RPRD1B: variants seen among roughly 807,000 people sequenced by gnomAD.
The protein encoded by RPRD1B is regulation of nuclear pre-mRNA domain-containing protein 1B.
RPRD1B carries 11 observed loss-of-function variants against 41.5 expected under a neutral mutation model. The ratio of observed to expected loss-of-function variants is 0.27; its 90% CI spans 0.17 to 0.44. The LOEUF (loss-of-function observed/expected upper bound fraction) is 0.44, where lower values mean the gene tolerates loss of function less well. Ranked by LOEUF, RPRD1B falls within the 20% of genes least tolerant of loss-of-function variation. The pLI is 1.00. For synonymous variants in RPRD1B, 158 were observed against 155.6 expected (o/e 1.02, Z -0.12); for missense variants, 248 against 389.9 (o/e 0.64, Z 3.06).
chr20:38,056,398 A>T (rs534734635), intron 3 of RPRD1B, among the ~76,000 whole-genome samples: 20 of 152,314 alleles, frequency 1.3e-4, no homozygotes, highest in South Asian at 2.1e-4. Flanking sequence ...TCTAAAAAAA[A>T]AAAATAAAAA....
At chr20:38,035,534 C>T (rs1405519878) in intron 1 of RPRD1B, among the ~76,000 whole-genome samples, 1 of 152,206 alleles carries the variant, frequency 6.6e-6, no homozygotes, top group African/African-American at 2.4e-5. Context: ...AGCCCTTTAG[C>T]AGGGACTGCC....
chr20:38,060,109 G>A (rs751798520), intron 5 of RPRD1B, among the ~76,000 whole-genome samples: 2 of 152,166 alleles, frequency 1.3e-5, no homozygotes, highest in African/African-American at 2.4e-5. Flanking sequence ...GCTTTGCACC[G>A]GTACTTCTGT....
rs2074606507 is a variant in RPRD1B, at chr20:38,090,873, G to A, written c.*998G>A. 1.0e-6 allele frequency: 1 copy of A among 985,132 alleles called. No homozygotes were observed. The allele number at this position is 985,132 out of a possible 1,614,324, so 61.0% of individuals were successfully genotyped here. Reference sequence around the variant, plus strand: ...TAAACTCGAACATCACTGCAAATAGGACGCTGAGCAGGTCCGTCTGTCATG... The same window carrying A: ...TAAACTCGAACATCACTGCAAATAGAACGCTGAGCAGGTCCGTCTGTCATG... On this transcript the variant is annotated 3_prime_UTR_variant, in exon 7 of 7. Coordinates refer to ENST00000373433, the MANE Select transcript of RPRD1B (RefSeq NM_021215.4).
rs1487914175 is a variant in RPRD1B at position 38,090,101 on chromosome 20, C to G, written c.*226C>G. 20 of 1,250,040 alleles carry G rather than the reference C, an allele frequency of 1.6e-5. No homozygotes were observed. The highest frequency in any genetic ancestry group is 2.0e-6 in the Non-Finnish European group (2 of 993,968). 77.4% of individuals were successfully genotyped at this position (1,250,040 alleles called of 1,614,324 possible). A position where few individuals can be genotyped will look rare whatever the true frequency, so the allele number is the denominator to read the frequency against. On this transcript the variant is annotated 3_prime_UTR_variant, in exon 7 of 7. Transcript: ENST00000373433. Reference sequence around the variant, plus strand: ...TTTATATTCATATTTGCAAAGACTACAGACTTTTTCTCCCACTTCATATTT... The same window carrying G: ...TTTATATTCATATTTGCAAAGACTAGAGACTTTTTCTCCCACTTCATATTT...
At position 38,053,802 on chromosome 20, in the gene RPRD1B, T is replaced by A. The variant is rs551918344; in HGVS notation, c.416-3730T>A. On this transcript the variant is annotated intron_variant, in intron 3 of 6. Coordinates refer to ENST00000373433, the MANE Select transcript of RPRD1B (RefSeq NM_021215.4). ...TACATATTTTAAAAATGAAATGGTG[T>A]GACAATTATTTACATATCATGTGTA... Among the ~76,000 whole-genome samples, 49 of 152,362 alleles carry A rather than the reference T, an allele frequency of 3.2e-4. 1 individual carries two copies. The South Asian group carries it at 9.7e-3, about 30-fold the overall frequency.
chr20:38,057,753 G>T, intron 4 of RPRD1B, 109 bp downstream of exon 4: 1 of 757,988 alleles, frequency 1.3e-6, no homozygotes, highest in South Asian at 1.7e-5. Context: ...ATCATCAGAG[G>T]GCACCTCTCA....
chr20:38,049,905 G>A lies in RPRD1B; in HGVS notation c.415+1424G>A, dbSNP rs146745699. 42 of 464,364 alleles carry A rather than the reference G, an allele frequency of 9.0e-5. No individual in the cohort carries two copies. The Middle Eastern group carries it at 9.9e-4, about 11-fold the overall frequency. The allele number at this position is 464,364 out of a possible 1,614,324, so 28.8% of individuals were successfully genotyped here. ...CTTCCTCACTTACACTGTATTCTTTGGCCAAACTGAATTGCCGACAGTTTA... is the reference window on the plus strand; with the variant it reads ...CTTCCTCACTTACACTGTATTCTTTAGCCAAACTGAATTGCCGACAGTTTA... On this transcript the variant is annotated intron_variant, in intron 3 of 6. Coordinates refer to ENST00000373433, the MANE Select transcript of RPRD1B (RefSeq NM_021215.4).
intron 6 of RPRD1B, among the ~76,000 whole-genome samples, chr20:38,082,192 CTTT>C (rs2074518961): frequency 6.6e-6 from 1 of 151,960 alleles, no homozygotes; most frequent in South Asian, 2.1e-4. Context: ...TGGTCCAGGG[CTTT>C]TTTTGGTTGG....
At chr20:38,062,304 T>G (rs545825930) in intron 5 of RPRD1B, among the ~76,000 whole-genome samples, 1 of 152,156 alleles carries the variant, frequency 6.6e-6, no homozygotes, top group Non-Finnish European at 1.5e-5. Flanking sequence ...TTTAGCTGGT[T>G]TCACTGGCAG....
intron 3 of RPRD1B, among the ~76,000 whole-genome samples, chr20:38,051,179 AG>A (rs2074181355): frequency 1.3e-5 from 2 of 152,206 alleles, no homozygotes; most frequent in Non-Finnish European, 2.9e-5. Flanking sequence ...GGTGTTCTAA[AG>A]GTGTCTCTCA....
intron 3 of RPRD1B, among the ~76,000 whole-genome samples, chr20:38,050,834 A>G (rs1164249831): frequency 6.6e-6 from 1 of 152,200 alleles, no homozygotes; most frequent in Non-Finnish European, 1.5e-5. Context: ...TTCTATAAAG[A>G]TGAAAACACA....
chr20:38,067,745 C>G (rs561318439), intron 6 of RPRD1B, among the ~76,000 whole-genome samples: 1 of 152,338 alleles, frequency 6.6e-6, no homozygotes, highest in East Asian at 1.9e-4. Flanking sequence ...GGGAGTTTTA[C>G]AGGCAGTACC....
intron 6 of RPRD1B, among the ~76,000 whole-genome samples, chr20:38,082,715 A>T (rs1376448413): frequency 6.6e-6 from 1 of 152,216 alleles, no homozygotes; most frequent in Non-Finnish European, 1.5e-5. Flanking sequence ...CTTCTGCCAC[A>T]GCCATCTCCC....
At chr20:38,074,194 C>T (rs1217547900) in intron 6 of RPRD1B, among the ~76,000 whole-genome samples, 1 of 152,026 alleles carries the variant, frequency 6.6e-6, no homozygotes, top group Non-Finnish European at 1.5e-5. Flanking sequence ...GCCAGTTTCC[C>T]TCCAATATGT....
chr20:38,042,788 G>A (rs2074079877), intron 2 of RPRD1B, among the ~76,000 whole-genome samples: 1 of 152,042 alleles, frequency 6.6e-6, no homozygotes, highest in African/African-American at 2.4e-5. Context: ...AAAGATAGTT[G>A]ACCCATTACT....
At chr20:38,065,934 A>G in intron 5 of RPRD1B, 147 bp from the exon 6 acceptor site, 1 of 708,098 alleles carries the variant, frequency 1.4e-6, no homozygotes, top group South Asian at 2.0e-5. Flanking sequence ...TTCTTGCTTA[A>G]TCAACTCATT....
At chr20:38,045,337 G>A (rs1216395588) in intron 2 of RPRD1B, among the ~76,000 whole-genome samples, 1 of 152,084 alleles carries the variant, frequency 6.6e-6, no homozygotes, top group Non-Finnish European at 1.5e-5. Context: ...TATTACTTTG[G>A]TTGTATCTAA....
intron 4 of RPRD1B, among the ~76,000 whole-genome samples, 157 bp downstream of exon 4, chr20:38,057,801 G>A (rs563360453): frequency 1.3e-5 from 2 of 152,340 alleles, no homozygotes; most frequent in South Asian, 2.1e-4. Flanking sequence ...GGAGCTTGCC[G>A]GATGGCAGGT....
chr20:38,063,492 G>C (rs565283985), intron 5 of RPRD1B, among the ~76,000 whole-genome samples: 1 of 152,208 alleles, frequency 6.6e-6, no homozygotes, highest in Non-Finnish European at 1.5e-5. Context: ...CATAAAGCCC[G>C]ATTGGGGTGG....
Sources: gnomAD v4.1 joint callset for allele counts (sites outside exome capture counted in the v4.1 genomes callset) on GRCh38, gnomAD v4.1.1 for gene constraint, MANE v1.5 for transcripts, NCBI Gene and HGNC (gene_info 2026-07-23, HGNC 2026-07-21) for gene names.